Variants in HECTD4 observed in about 807,000 individuals in gnomAD.
HECTD4 encodes the protein probable E3 ubiquitin-protein ligase HECTD4.
Under a neutral mutation model 471.5 loss-of-function variants are expected in HECTD4, and 114 were observed. The ratio of observed to expected loss-of-function variants is 0.24; its 90% CI spans 0.21 to 0.28. HECTD4 has a LOEUF of 0.28. HECTD4 is among the 10% of genes least tolerant of loss of function. The probability of loss-of-function intolerance (pLI) is 1.00; values close to 1 mark genes in which losing one functional copy is unlikely to be tolerated. For missense variants in HECTD4, 3,866 were observed against 5,651.5 expected, an observed-to-expected ratio of 0.68 and a Z score of 10.13; for synonymous variants, 2,012 against 2,256.0, an observed-to-expected ratio of 0.89 and a Z score of 3.07.
chr12:112,200,025 C>T (rs966143280), intron 55 of HECTD4, among the ~76,000 whole-genome samples: 16 of 152,168 alleles, frequency 1.1e-4, no homozygotes, highest in African/African-American at 3.4e-4. Flanking sequence ...TTGCTGTCTC[C>T]GGTTGAGATT....
At chr12:112,326,023 A>G (rs1299089130) in intron 1 of HECTD4, among the ~76,000 whole-genome samples, 1 of 152,124 alleles carries the variant, frequency 6.6e-6, no homozygotes, top group Non-Finnish European at 1.5e-5. Flanking sequence ...TCCTGGGCTC[A>G]AGCAATCCTC....
rs1382419774 is a variant in HECTD4, at chr12:112,161,381, A to T, written c.*1006T>A. ...CCCCTGGAGTCTCCATCTGGACTTG[A>T]GTGTCTGGGTCACTAAAGCAGACCC... is the stretch of plus-strand genomic sequence containing the variant. On this transcript the variant is annotated 3_prime_UTR_variant, in exon 76 of 76. Transcript: ENST00000682272. 1 of 152,188 alleles carries T rather than the reference A, an allele frequency of 6.6e-6. No homozygotes were observed. Among genetic ancestry groups the T allele is most frequent in the African/African-American group, 2.4e-5 (1 of 41,414 alleles). 9.4% of individuals were successfully genotyped at this position (152,188 alleles called of 1,614,324 possible). A position where few individuals can be genotyped will look rare whatever the true frequency, so the allele number is the denominator to read the frequency against.
intron 19 of HECTD4, 54 bp downstream of exon 19, chr12:112,259,058 C>A (rs1383399157): frequency 6.6e-7 from 1 of 1,511,478 alleles, no homozygotes; most frequent in Non-Finnish European, 8.9e-7. Flanking sequence ...AACAGCCATC[C>A]TGTGAAGCAG....
chr12:112,256,009 G>A (rs1167377616), intron 21 of HECTD4, among the ~76,000 whole-genome samples: 4 of 152,250 alleles, frequency 2.6e-5, no homozygotes, highest in East Asian at 1.9e-4. Context: ...AAGCACGGAG[G>A]GAGGGCAGGG....
intron 1 of HECTD4, among the ~76,000 whole-genome samples, chr12:112,358,898 G>A (rs1159416410): frequency 3.3e-5 from 5 of 152,026 alleles, no homozygotes; most frequent in South Asian, 2.1e-4. Flanking sequence ...ACGGCCGGCC[G>A]GGCGCGGTGG....
chr12:112,171,419 G>A, intron 67 of HECTD4, 156 bp from the exon 68 acceptor site: 1 of 1,199,106 alleles, frequency 8.3e-7, no homozygotes. Context: ...GGCCCCCAAT[G>A]TGCCTGTGCC....
At chr12:112,375,168 C>CT (rs1356706509) in intron 1 of HECTD4, among the ~76,000 whole-genome samples, 4 of 152,198 alleles carry the variant, frequency 2.6e-5, no homozygotes, top group Non-Finnish European at 4.4e-5. Context: ...ACAGTATATA[C>CT]TCCTGTTTGT....
At chr12:112,290,698 A>G (rs1181839187) in intron 7 of HECTD4, among the ~76,000 whole-genome samples, 1 of 151,596 alleles carries the variant, frequency 6.6e-6, no homozygotes, top group Non-Finnish European at 1.5e-5. Context: ...AAATACAAAA[A>G]TTAGCTGGGC....
At position 112,250,212 on chromosome 12, in the gene HECTD4, A is replaced by G; in HGVS notation, c.3882T>C (p.Pro1294=). Residue 1294 remains proline (P), a synonymous_variant, in exon 25 of 76, where the codon CCT becomes CCC. Transcript: ENST00000682272. ...NYFDLPRIRL[P]PGIMIKLREI... The stretch of plus-strand genomic sequence containing the variant: ...CCCTGAGCTTTATCATGATTCCTGG[A>G]GGCAGTCTGATCCGAGGCAGATCAA... 1.2e-6 allele frequency: 2 copies of G among 1,613,938 alleles called. No homozygotes were observed. The highest frequency in any genetic ancestry group is 1.7e-6 in the Non-Finnish European group (2 of 1,179,876).
intron 7 of HECTD4, among the ~76,000 whole-genome samples, chr12:112,305,648 C>T (rs548165653): frequency 2.6e-5 from 4 of 152,228 alleles, no homozygotes. Context: ...AGACAGAACA[C>T]ACTTGGCTCT....
At chr12:112,201,858 AAAGT>A (rs1456276344) in intron 54 of HECTD4, among the ~76,000 whole-genome samples, 3 of 152,232 alleles carry the variant, frequency 2.0e-5, no homozygotes, top group African/African-American at 7.2e-5. Flanking sequence ...AGGAAAATAA[AAAGT>A]AAGCTCATAC....
At chr12:112,378,586 T>C (rs2036828555) in intron 1 of HECTD4, among the ~76,000 whole-genome samples, 1 of 152,136 alleles carries the variant, frequency 6.6e-6, no homozygotes, top group Non-Finnish European at 1.5e-5. Context: ...ATTAGTCAAC[T>C]TGAGTCCCGT....
At position 112,319,828 on chromosome 12, in the gene HECTD4, A is replaced by C. The variant is rs979928836; in HGVS notation, c.178-86T>G. The C allele has an allele frequency of 2.7e-5, 27 of 997,518 alleles. No homozygotes were observed. Among genetic ancestry groups the C allele is most frequent in the Non-Finnish European group, 3.5e-5 (27 of 773,276 alleles). 61.8% of individuals were successfully genotyped at this position (997,518 alleles called of 1,614,324 possible). On this transcript the variant is annotated intron_variant, in intron 1 of 75. Transcript: ENST00000682272. This position sits in a 1 kb window ranked among gnomAD's most constrained non-coding sequence, Gnocchi z 5.3. Reference sequence around the variant, plus strand: ...AGAAAATATGTTTAATGATATCCCAAAATAGTCAACGCCAAAAATTATTTT... The same window carrying C: ...AGAAAATATGTTTAATGATATCCCACAATAGTCAACGCCAAAAATTATTTT...
Position 112,319,725 on chromosome 12 carries a change from G to C in HECTD4, c.195C>G (p.Thr65=), listed in dbSNP as rs1353790626. The C allele has an allele frequency of 2.4e-6, 3 of 1,245,786 alleles. No individual in the cohort carries two copies. The highest frequency in any genetic ancestry group is 3.0e-6 in the Non-Finnish European group (3 of 995,696). 77.2% of individuals were successfully genotyped at this position (1,245,786 alleles called of 1,614,324 possible). The part of the protein sequence containing the change: ...DTDLEILTFE[T]KNPSELAERL... ...GTTCTGCTAATTCCGACGGGTTCTT[G>C]GTCTCAAAGGTTAAAATCTAAGGAA... Residue 65 remains threonine (T), a synonymous_variant, in exon 2 of 76, where the codon ACC becomes ACG. Transcript: ENST00000682272. The surrounding 1 kb of genome is among the most constrained non-coding windows in gnomAD (Gnocchi z 5.3).
chr12:112,248,014 C>A, intron 27 of HECTD4, 53 bp downstream of exon 27: 3 of 1,174,950 alleles, frequency 2.6e-6, no homozygotes, highest in Non-Finnish European at 2.4e-6. Context: ...ACAGTATATA[C>A]CTTTGCTCTC....
At position 112,216,859 on chromosome 12, in the gene HECTD4, T is replaced by G. The variant is rs186979319; in HGVS notation, c.7299A>C (p.Gly2433=). The G allele has an allele frequency of 1.9e-4, 306 of 1,613,960 alleles. No homozygotes were observed. In the African/African-American group the frequency reaches 3.7e-3, roughly 19 times the overall value. The part of the protein sequence containing the change: ...VSYGDTDDDT[G]PIVSFGFTTE... ...TAGTGAAGCCAAAGGAAACTATGGGTCCGGTGTCATCATCGGTGTCTCCAT... is the reference window on the plus strand; with the variant it reads ...TAGTGAAGCCAAAGGAAACTATGGGGCCGGTGTCATCATCGGTGTCTCCAT... The change falls in exon 47 of 76, where the codon GGA becomes GGC. Residue 2433 remains glycine, a synonymous_variant. Coordinates refer to ENST00000682272, the MANE Select transcript of HECTD4 (RefSeq NM_001388303.1).
intron 1 of HECTD4, among the ~76,000 whole-genome samples, chr12:112,335,472 C>A (rs1192956903): frequency 2.6e-5 from 4 of 152,086 alleles, no homozygotes; most frequent in African/African-American, 9.7e-5. Flanking sequence ...GTGGGCAGAT[C>A]ACGAGGTCAG....
intron 16 of HECTD4, 51 bp from the exon 17 acceptor site, chr12:112,264,263 G>T: frequency 7.1e-7 from 1 of 1,403,852 alleles, no homozygotes; most frequent in South Asian, 1.7e-5. Flanking sequence ...CTGAAAGAGC[G>T]ATCATGTAAT....
intron 60 of HECTD4, among the ~76,000 whole-genome samples, chr12:112,186,324 T>C (rs12424857): frequency 1.0e-4 from 15 of 144,478 alleles, no homozygotes; most frequent in African/African-American, 3.4e-4. Flanking sequence ...TTTTTTTTTT[T>C]AATTATTTTT....
Sources: allele counts gnomAD v4.1 joint callset (sites outside exome capture counted in the v4.1 genomes callset), GRCh38; gene constraint gnomAD v4.1.1; non-coding constraint Gnocchi (gnomAD v3.1); transcripts MANE v1.5; gene names NCBI Gene and HGNC (gene_info 2026-07-23, HGNC 2026-07-21).